ADAM28: variants seen among roughly 807,000 people sequenced by gnomAD.
The protein encoded by ADAM28 is disintegrin and metalloproteinase domain-containing protein 28.
ADAM28 carries 105 observed loss-of-function variants against 101.2 expected under a neutral mutation model. That is an observed-to-expected ratio of 1.04 (90% CI 0.89 to 1.22). ADAM28 has a LOEUF of 1.22. Among genes scored for constraint, ADAM28 ranks in the 50% most tolerant of loss-of-function variants. ADAM28 has a pLI of 0.00. For synonymous variants in ADAM28, 322 were observed against 310.6 expected (o/e 1.04, Z -0.39); for missense variants, 1,028 against 945.4 (o/e 1.09, Z -1.15).
At position 24,354,475 on chromosome 8, in the gene ADAM28, A is replaced by C; in HGVS notation, c.*71A>C. On this transcript the variant is annotated 3_prime_UTR_variant, in exon 23 of 23. Transcript: ENST00000265769. The stretch of plus-strand genomic sequence containing the variant: ...AACTGGAAAATCTGGATGGCAGAGA[A>C]ATATACTATCTATCTCACCAGTATT... The C allele has an allele frequency of 1.4e-6, 2 of 1,389,894 alleles. No homozygotes were observed. The highest frequency in any genetic ancestry group is 2.5e-5 in the South Asian group (2 of 80,020). The allele number at this position is 1,389,894 out of a possible 1,614,324, so 86.1% of individuals were successfully genotyped here.
At chr8:24,326,485 G>C in intron 9 of ADAM28, 69 bp from the exon 10 acceptor site, 1 of 1,411,024 alleles carries the variant, frequency 7.1e-7, no homozygotes, top group Non-Finnish European at 9.9e-7. Flanking sequence ...TTAGGGTTTT[G>C]GATGTATTGT....
intron 6 of ADAM28, among the ~76,000 whole-genome samples, chr8:24,315,325 G>C (rs1285576305): frequency 6.6e-6 from 1 of 151,650 alleles, no homozygotes; most frequent in Non-Finnish European, 1.5e-5. Flanking sequence ...AATGAAAGTG[G>C]AGATATTACA....
intron 10 of ADAM28, among the ~76,000 whole-genome samples, chr8:24,329,442 G>T (rs1327822043): frequency 6.6e-6 from 1 of 152,148 alleles, no homozygotes; most frequent in African/African-American, 2.4e-5. Context: ...CAAGCTTGGA[G>T]TTGAGTCCAA....
At chr8:24,321,425 A>T in intron 8 of ADAM28, 136 bp downstream of exon 8, 2 of 755,020 alleles carry the variant, frequency 2.6e-6, no homozygotes, top group Non-Finnish European at 4.8e-6. Flanking sequence ...CTCCCAAAGG[A>T]TGACCACAAC....
At chr8:24,316,984 AATAAATTTTACT>A in intron 6 of ADAM28, among the ~76,000 whole-genome samples, 1 of 146,648 alleles carries the variant, frequency 6.8e-6, no homozygotes, top group East Asian at 2.2e-4. Flanking sequence ...AATACTTGGG[AATAAATTTTACT>A]AAGGAGGTGA....
At chr8:24,312,921 A>G (rs1215288531) in intron 5 of ADAM28, among the ~76,000 whole-genome samples, 2 of 152,204 alleles carry the variant, frequency 1.3e-5, no homozygotes, top group Non-Finnish European at 2.9e-5. Context: ...TTAGGTAGGT[A>G]TTAAGACAAA....
intron 2 of ADAM28, among the ~76,000 whole-genome samples, chr8:24,304,863 T>C (rs764294636): frequency 1.3e-5 from 2 of 150,052 alleles, no homozygotes; most frequent in Non-Finnish European, 3.0e-5. Flanking sequence ...TGCAGTGAGC[T>C]GAGATCACGT....
chr8:24,297,794 T>C (rs1399361594), intron 1 of ADAM28, among the ~76,000 whole-genome samples: 2 of 152,332 alleles, frequency 1.3e-5, no homozygotes, highest in East Asian at 3.9e-4. Flanking sequence ...TCAAAATAAT[T>C]ACAATAATTA....
chr8:24,331,328 G>A lies in ADAM28; in HGVS notation c.1281+1G>A, dbSNP rs1322337762. 1.3e-6 allele frequency: 2 copies of A among 1,595,194 alleles called. No homozygotes were observed. The highest frequency in any genetic ancestry group is 1.8e-5 in the Admixed American group (1 of 56,428). On this transcript the variant is annotated splice_donor_variant, in intron 12 of 22. Transcript: ENST00000265769. LOFTEE classifies it high-confidence loss of function. The stretch of plus-strand genomic sequence containing the variant: ...GGACTGTGATTGTGGGACATCTGAG[G>A]TATGGCCAATCACTTTCTAAAACGA...
At chr8:24,338,254 A>G (rs796360525) in intron 14 of ADAM28, among the ~76,000 whole-genome samples, 24 of 152,320 alleles carry the variant, frequency 1.6e-4, no homozygotes, top group African/African-American at 5.8e-4. Context: ...CATTAATTCA[A>G]TACAATTTTT....
Position 24,358,788 on chromosome 8 carries a change from T to A in ADAM28, c.*4384T>A, listed in dbSNP as rs1816840272. 6.6e-6 allele frequency: 1 copy of A among 152,204 alleles called. No homozygotes were observed. Among genetic ancestry groups the A allele is most frequent in the Admixed American group, 6.5e-5 (1 of 15,276 alleles). The allele number at this position is 152,204 out of a possible 1,614,324, so 9.4% of individuals were successfully genotyped here. On this transcript the variant is annotated 3_prime_UTR_variant, in exon 23 of 23. Transcript: ENST00000265769. ...CATGAAAATTACGGTATACAATTTA[T>A]TGTGAAGGCAACTTCTTGTGAACAT...
In ADAM28 at chr8:24,349,916, G is replaced by T. The variant is rs1240013516; in HGVS notation, c.2043G>T (p.Val681=). ...TCCCAATGGCGGTCATTTTTGTGGT[G>T]GTTGCTATGGTAATCCGGCACCAGA... ...VLFPMAVIFV[V]VAMVIRHQSS... The change falls in exon 19 of 23, where the codon GTG becomes GTT. Residue 681 remains valine, a synonymous_variant. Coordinates refer to ENST00000265769, the MANE Select transcript of ADAM28 (RefSeq NM_014265.6). The T allele has an allele frequency of 6.2e-7, 1 of 1,613,694 alleles. No individual in the cohort carries two copies. The highest frequency in any genetic ancestry group is 8.5e-7 in the Non-Finnish European group (1 of 1,179,800).
At position 24,358,774 on chromosome 8, in the gene ADAM28, C is replaced by A. The variant is rs375844054; in HGVS notation, c.*4370C>A. On this transcript the variant is annotated 3_prime_UTR_variant, in exon 23 of 23. Transcript: ENST00000265769. ...AAAAAAATCCTAAGCATGAAAATTA[C>A]GGTATACAATTTATTGTGAAGGCAA... 1 of 152,056 alleles carries A rather than the reference C, an allele frequency of 6.6e-6. No homozygotes were observed. Among genetic ancestry groups the A allele is most frequent in the Admixed American group, 6.6e-5 (1 of 15,258 alleles). 9.4% of individuals were successfully genotyped at this position (152,056 alleles called of 1,614,324 possible). A position where few individuals can be genotyped will look rare whatever the true frequency, so the allele number is the denominator to read the frequency against.
intron 2 of ADAM28, chr8:24,308,822 A>G (rs545185650): frequency 2.5e-6 from 1 of 394,446 alleles, no homozygotes. Flanking sequence ...CACGGTGCTC[A>G]TGATCTGATG....
intron 6 of ADAM28, among the ~76,000 whole-genome samples, chr8:24,318,999 A>G (rs1811523448): frequency 6.6e-6 from 1 of 151,914 alleles, no homozygotes; most frequent in African/African-American, 2.4e-5. Flanking sequence ...ACAACTGACC[A>G]TGGGTCACAA....
chr8:24,328,671 T>G (rs75080998), intron 10 of ADAM28, among the ~76,000 whole-genome samples: 2,170 of 152,148 alleles, frequency 0.014, 56 homozygotes, highest in African/African-American at 0.049. Context: ...CCTCAGCCTG[T>G]AATCCCAGCA....
rs199916509 is a variant in ADAM28, at chr8:24,351,973, G to T, written c.2179-14G>T. On this transcript the variant is annotated splice_polypyrimidine_tract_variant and intron_variant, in intron 20 of 22. Transcript: ENST00000265769. Reference sequence around the variant, plus strand: ...ACTAATGGTTCATTTTGAAATATTCGTTCTTCTTTTCAGATGAGTCAGATG... The same window carrying T: ...ACTAATGGTTCATTTTGAAATATTCTTTCTTCTTTTCAGATGAGTCAGATG... 2.5e-6 allele frequency: 4 copies of T among 1,612,752 alleles called. No individual in the cohort carries two copies. Among genetic ancestry groups the T allele is most frequent in the East Asian group, 2.2e-5 (1 of 44,816 alleles).
intron 2 of ADAM28, among the ~76,000 whole-genome samples, chr8:24,304,270 G>A (rs1277161596): frequency 6.7e-6 from 1 of 149,846 alleles, no homozygotes; most frequent in Non-Finnish European, 1.5e-5. Context: ...AGGTGGATGA[G>A]GTTGATATAA....
intron 2 of ADAM28, among the ~76,000 whole-genome samples, chr8:24,305,743 G>A (rs979499463): frequency 1.3e-5 from 2 of 152,010 alleles, no homozygotes; most frequent in Non-Finnish European, 1.5e-5. Context: ...ACATTTCCAA[G>A]TTCTCTCCTG....
Sources: allele counts gnomAD v4.1 joint callset (sites outside exome capture counted in the v4.1 genomes callset), GRCh38; gene constraint gnomAD v4.1.1; transcripts MANE v1.5; gene names NCBI Gene and HGNC (gene_info 2026-07-23, HGNC 2026-07-21).